ERC2: variants seen among roughly 807,000 people sequenced by gnomAD.
ERC2 encodes ELKS/RAB6-interacting/CAST family member 2.
A neutral mutation model predicts 114.8 loss-of-function variants in ERC2; 42 were observed. That is an observed-to-expected ratio of 0.37 (90% confidence interval 0.29 to 0.47). The LOEUF is 0.47. Ranked by LOEUF, ERC2 falls within the 20% of genes least tolerant of loss-of-function variation. The probability of loss-of-function intolerance (pLI) is 0.99; values close to 1 mark genes in which losing one functional copy is unlikely to be tolerated. For missense variants in ERC2, 939 were observed against 1,150.7 expected (o/e 0.82, Z 2.66); for synonymous variants, 454 against 425.5 (o/e 1.07, Z -0.82).
intron 3 of ERC2, among the ~76,000 whole-genome samples, chr3:56,191,227 G>A (rs1348809181): frequency 6.6e-6 from 1 of 152,128 alleles, no homozygotes; most frequent in Non-Finnish European, 1.5e-5. Flanking sequence ...AAACCCAGGG[G>A]AGAACTGTGG....
In ERC2 at chr3:56,417,895, C is replaced by A. The variant is rs867048957; in HGVS notation, c.657+16456G>T. 1.7e-4 allele frequency among the ~76,000 whole-genome samples: 26 copies of A among 152,266 alleles called. No individual in the cohort carries two copies. In the South Asian group the frequency reaches 3.5e-3, roughly 21 times the overall value. On this transcript the variant is annotated intron_variant, in intron 2 of 17. Transcript: ENST00000288221. ...TGTAGTAATGTCACTACATGTCCTA[C>A]AATGAGGGTAGGAAACATCTGATAA...
intron 3 of ERC2, among the ~76,000 whole-genome samples, chr3:56,180,402 G>C (rs926994218): frequency 2.0e-5 from 3 of 152,058 alleles, no homozygotes; most frequent in Non-Finnish European, 4.4e-5. Flanking sequence ...ATAACAAAAA[G>C]GTAGAAGCAA....
intron 2 of ERC2, among the ~76,000 whole-genome samples, chr3:56,386,429 G>A (rs2059936323): frequency 6.6e-6 from 1 of 152,056 alleles, no homozygotes; most frequent in Non-Finnish European, 1.5e-5. Context: ...CTGGATCATG[G>A]AATTATCCCC....
chr3:55,823,915 G>A (rs2060226603), intron 14 of ERC2, among the ~76,000 whole-genome samples: 1 of 152,144 alleles, frequency 6.6e-6, no homozygotes, highest in Non-Finnish European at 1.5e-5. Context: ...TTTCTTCACA[G>A]TCTGGAGGCT....
At chr3:56,266,060 TAAAATAAA>T in intron 3 of ERC2, among the ~76,000 whole-genome samples, 1 of 134,344 alleles carries the variant, frequency 7.4e-6, no homozygotes, top group Non-Finnish European at 1.6e-5. Flanking sequence ...TAAAATAAAA[TAAAATAAA>T]ATAAAATAAA....
chr3:56,393,572 T>C (rs908862233), intron 2 of ERC2, among the ~76,000 whole-genome samples: 6 of 152,206 alleles, frequency 3.9e-5, no homozygotes, highest in African/African-American at 1.4e-4. Flanking sequence ...ATTTAGGAAC[T>C]ATCATGCTAG....
intron 17 of ERC2, among the ~76,000 whole-genome samples, chr3:55,550,739 G>A (rs933382943): frequency 2.0e-5 from 3 of 152,158 alleles, no homozygotes; most frequent in Admixed American, 6.5e-5. Context: ...AATAGGGGCC[G>A]GGCGCAGTGG....
At chr3:56,055,686 G>C (rs530316115) in intron 7 of ERC2, among the ~76,000 whole-genome samples, 1 of 152,196 alleles carries the variant, frequency 6.6e-6, no homozygotes, top group African/African-American at 2.4e-5. Flanking sequence ...GCCACTCTCC[G>C]GGGGCCTATC....
intron 3 of ERC2, among the ~76,000 whole-genome samples, chr3:56,181,030 T>C (rs1318707065): frequency 6.6e-6 from 1 of 152,244 alleles, no homozygotes; most frequent in Non-Finnish European, 1.5e-5. Flanking sequence ...ATACCAGCTG[T>C]CTATTGCACA....
chr3:56,225,264 C>T (rs891529568), intron 3 of ERC2, among the ~76,000 whole-genome samples: 2 of 152,048 alleles, frequency 1.3e-5, no homozygotes, highest in African/African-American at 4.8e-5. Flanking sequence ...GGGAAAAAAG[C>T]ATTATCTGAC....
At chr3:56,047,010 T>A (rs2075503524) in intron 7 of ERC2, among the ~76,000 whole-genome samples, 1 of 152,212 alleles carries the variant, frequency 6.6e-6, no homozygotes, top group Admixed American at 6.5e-5. Context: ...CAGTCTCATC[T>A]GCTAGCCTGA....
intron 17 of ERC2, chr3:55,613,158 C>G (rs2058976762): frequency 6.6e-6 from 1 of 152,184 alleles, no homozygotes; most frequent in South Asian, 2.1e-4. Flanking sequence ...CTAAGATGGT[C>G]AGAACCTAGT....
At chr3:55,534,948 AGC>A (rs1212786266) in intron 17 of ERC2, among the ~76,000 whole-genome samples, 1 of 152,194 alleles carries the variant, frequency 6.6e-6, no homozygotes, top group Non-Finnish European at 1.5e-5. Context: ...GTGAAGAGGC[AGC>A]ATCTGCACAA....
chr3:56,157,224 G>C (rs2081778144), intron 4 of ERC2, among the ~76,000 whole-genome samples: 1 of 152,182 alleles, frequency 6.6e-6, no homozygotes, highest in Non-Finnish European at 1.5e-5. Context: ...TGGCTTCAGA[G>C]AATGTATGCT....
intron 17 of ERC2, among the ~76,000 whole-genome samples, chr3:55,572,276 C>T (rs927858062): frequency 2.6e-5 from 4 of 152,208 alleles, no homozygotes; most frequent in African/African-American, 9.7e-5. Flanking sequence ...CTGTTCACCT[C>T]GGTCCCTGGG....
chr3:56,462,389 C>T (rs1559534881), intron 1 of ERC2, among the ~76,000 whole-genome samples: 1 of 152,186 alleles, frequency 6.6e-6, no homozygotes, highest in East Asian at 1.9e-4. Flanking sequence ...CCAGTTTTCC[C>T]TCCACCTTCA....
At chr3:55,705,406 G>T (rs1034155534) in intron 15 of ERC2, among the ~76,000 whole-genome samples, 8 of 152,180 alleles carry the variant, frequency 5.3e-5, no homozygotes, top group African/African-American at 1.7e-4. Flanking sequence ...GTGTGTGTAT[G>T]TGTGCGGGCT....
intron 2 of ERC2, among the ~76,000 whole-genome samples, chr3:56,346,989 C>T (rs2058336179): frequency 1.3e-5 from 2 of 152,206 alleles, no homozygotes; most frequent in African/African-American, 4.8e-5. Flanking sequence ...CCTCTCAACA[C>T]TGTTGCACTG....
At chr3:56,464,493 A>G (rs2063452945) in intron 1 of ERC2, among the ~76,000 whole-genome samples, 1 of 152,168 alleles carries the variant, frequency 6.6e-6, no homozygotes, top group Non-Finnish European at 1.5e-5. Context: ...GAAAATAAAT[A>G]CCTGTTGCTG....
Sources: gnomAD v4.1 joint callset for allele counts (sites outside exome capture counted in the v4.1 genomes callset) on GRCh38, gnomAD v4.1.1 for gene constraint, MANE v1.5 for transcripts, NCBI Gene and HGNC (gene_info 2026-07-23, HGNC 2026-07-21) for gene names.